The following CYP19A1 variants were observed in gnomAD, a reference collection of about 807,000 sequenced individuals.
CYP19A1 encodes the protein aromatase.
A neutral mutation model predicts 44.4 loss-of-function variants in CYP19A1; 32 were observed. That is an observed-to-expected ratio of 0.72 (90% confidence interval 0.54 to 0.97). CYP19A1 has a LOEUF of 0.97. Ranked by LOEUF, CYP19A1 falls within the 50% of genes least tolerant of loss-of-function variation. The pLI, the probability that CYP19A1 is intolerant of heterozygous loss-of-function variation, is 0.00. For missense variants in CYP19A1, 598 were observed against 637.8 expected (o/e 0.94, Z 0.67); for synonymous variants, 212 against 215.6 (o/e 0.98, Z 0.14).
chr15:51,215,844 A>G (rs2031519449), intron 6 of CYP19A1, 27 bp from the exon 7 acceptor site: 1 of 1,612,200 alleles, frequency 6.2e-7, no homozygotes, highest in African/African-American at 1.3e-5. Flanking sequence ...AATATTGTCT[A>G]TTTTTACTCA....
In CYP19A1 at chr15:51,301,240, C is replaced by T. The variant is rs2036104957; in HGVS notation, c.-39+37255G>A. 2.0e-5 allele frequency among the ~76,000 whole-genome samples: 3 copies of T among 152,332 alleles called. 1 individual carries two copies. In the South Asian group the frequency reaches 6.2e-4, roughly 32 times the overall value. On this transcript the variant is annotated intron_variant, in intron 1 of 9. Transcript: ENST00000396402. Reference sequence around the variant, plus strand: ...GGCAGGTTTCTCATACTGGACTTGGCTATGTTGCCTCCTCTCTCTGATACC... The same window carrying T: ...GGCAGGTTTCTCATACTGGACTTGGTTATGTTGCCTCCTCTCTCTGATACC...
At chr15:51,211,629 A>G in intron 9 of CYP19A1, 1 of 426,124 alleles carries the variant, frequency 2.3e-6, no homozygotes, top group Admixed American at 2.8e-5. Context: ...TTGCCCGTGT[A>G]GAAACAAAAT....
At chr15:51,255,562 A>G (rs1266315540) in intron 1 of CYP19A1, 4 of 152,234 alleles carry the variant, frequency 2.6e-5, no homozygotes, top group Admixed American at 6.5e-5. Flanking sequence ...ACTCTTCAGA[A>G]CTGGGATCAG....
chr15:51,252,537 C>T (rs993802951), intron 1 of CYP19A1, among the ~76,000 whole-genome samples: 1 of 152,114 alleles, frequency 6.6e-6, no homozygotes. Context: ...TTTTTCGGTC[C>T]ACAGAATCAG....
intron 9 of CYP19A1, 153 bp downstream of exon 9, chr15:51,212,167 C>G (rs1160716023): frequency 2.2e-5 from 16 of 725,948 alleles, no homozygotes; most frequent in Non-Finnish European, 3.3e-5. Flanking sequence ...GAGCCCTGCT[C>G]CAAGCTAGGG....
chr15:51,263,466 AC>A (rs2034804772), intron 1 of CYP19A1, among the ~76,000 whole-genome samples: 1 of 152,250 alleles, frequency 6.6e-6, no homozygotes, highest in African/African-American at 2.4e-5. Flanking sequence ...ATGGGTGATA[AC>A]TTGACAGAGG....
chr15:51,253,565 A>G (rs555317458), intron 1 of CYP19A1, among the ~76,000 whole-genome samples: 2 of 152,008 alleles, frequency 1.3e-5, no homozygotes, highest in African/African-American at 4.8e-5. Context: ...TCCCACCCAC[A>G]CTTCCTTTTA....
At chr15:51,218,731 C>A (rs902836813) in intron 5 of CYP19A1, 76 bp from the exon 6 acceptor site, 2 of 1,545,354 alleles carry the variant, frequency 1.3e-6, no homozygotes, top group African/African-American at 2.7e-5. Context: ...TTGCTCTGAG[C>A]AGAAAACATT....
chr15:51,282,153 G>T (rs1255974303), intron 1 of CYP19A1, among the ~76,000 whole-genome samples: 1 of 152,150 alleles, frequency 6.6e-6, no homozygotes, highest in Non-Finnish European at 1.5e-5. Context: ...GACACATGAT[G>T]ATAGTTACCC....
chr15:51,294,878 A>G (rs2032858951), intron 1 of CYP19A1, among the ~76,000 whole-genome samples: 1 of 152,086 alleles, frequency 6.6e-6, no homozygotes, highest in African/African-American at 2.4e-5. Context: ...GTGGAATAGA[A>G]AAGGGGGAAA....
chr15:51,230,515 G>A (rs1029468156), intron 3 of CYP19A1, among the ~76,000 whole-genome samples: 1 of 152,086 alleles, frequency 6.6e-6, no homozygotes, highest in Non-Finnish European at 1.5e-5. Flanking sequence ...GCTCTTAGGT[G>A]ATGAGAAGAA....
intron 1 of CYP19A1, among the ~76,000 whole-genome samples, chr15:51,247,147 C>T (rs1360828440): frequency 6.6e-6 from 1 of 152,046 alleles, no homozygotes; most frequent in African/African-American, 2.4e-5. Context: ...GTTTCTATTC[C>T]TCTACAGCTG....
chr15:51,294,285 C>T (rs1263505840), intron 1 of CYP19A1, among the ~76,000 whole-genome samples: 4 of 141,106 alleles, frequency 2.8e-5, no homozygotes, highest in South Asian at 2.3e-4. Context: ...TCTGCCCGGC[C>T]GCCCATCGTC....
At chr15:51,323,295 T>G (rs2036556234) in intron 1 of CYP19A1, among the ~76,000 whole-genome samples, 1 of 152,098 alleles carries the variant, frequency 6.6e-6, no homozygotes, top group Non-Finnish European at 1.5e-5. Flanking sequence ...TGCTCTCAGG[T>G]AGGGAGTAGC....
chr15:51,277,282 G>T (rs144079122), intron 1 of CYP19A1: 25 of 152,206 alleles, frequency 1.6e-4, no homozygotes, highest in African/African-American at 6.0e-4. Context: ...CCCCAAGTGG[G>T]TTTATAATTA....
chr15:51,243,533 G>C (rs2033906324), intron 1 of CYP19A1, among the ~76,000 whole-genome samples: 2 of 152,124 alleles, frequency 1.3e-5, no homozygotes, highest in Admixed American at 1.3e-4. Context: ...ACTCACTCAG[G>C]CCATCTCTAG....
intron 1 of CYP19A1, among the ~76,000 whole-genome samples, chr15:51,258,686 G>T (rs1464654330): frequency 1.3e-5 from 2 of 152,066 alleles, no homozygotes; most frequent in East Asian, 3.9e-4. Flanking sequence ...TCCAACCCCT[G>T]CGCCAGTCTC....
At chr15:51,298,053 C>G (rs2036036902) in intron 1 of CYP19A1, among the ~76,000 whole-genome samples, 1 of 152,182 alleles carries the variant, frequency 6.6e-6, no homozygotes, top group Admixed American at 6.5e-5. Context: ...GAGGACCTTC[C>G]AAGTCTGGCT....
rs866889560 is a variant in CYP19A1 at position 51,253,343 on chromosome 15, G to A, written c.-38-10393C>T. Among the ~76,000 whole-genome samples the A allele has an allele frequency of 2.0e-4, 30 of 152,328 alleles. No homozygotes were observed. In the South Asian group the frequency reaches 3.5e-3, roughly 18 times the overall value. ...GTAGCTGGAAGGAACAGTTTGGACT[G>A]GAGTTGTGCCCTCAGGGGTCCCTAA... On this transcript the variant is annotated intron_variant, in intron 1 of 9. Transcript: ENST00000396402.
Sources: gnomAD v4.1 joint callset for allele counts (sites outside exome capture counted in the v4.1 genomes callset) on GRCh38, gnomAD v4.1.1 for gene constraint, MANE v1.5 for transcripts, NCBI Gene and HGNC (gene_info 2026-07-23, HGNC 2026-07-21) for gene names.